Variants in SHISA9 observed in about 807,000 individuals in gnomAD.
SHISA9 encodes the protein protein shisa-9.
A neutral mutation model predicts 38.0 loss-of-function variants in SHISA9; 13 were observed. That is an observed-to-expected ratio of 0.34 (90% CI 0.22 to 0.54). The LOEUF (loss-of-function observed/expected upper bound fraction) is 0.54, where lower values mean the gene tolerates loss of function less well. Among genes scored for constraint, SHISA9 ranks in the 20% least tolerant of loss-of-function variants. The pLI is 0.91. For synonymous variants in SHISA9, 275 were observed against 242.0 expected (o/e 1.14, Z -1.27); for missense variants, 538 against 575.8 (o/e 0.93, Z 0.67).
intron 2 of SHISA9, among the ~76,000 whole-genome samples, chr16:12,955,201 C>G (rs1329745510): frequency 1.3e-5 from 2 of 152,118 alleles, no homozygotes; most frequent in African/African-American, 4.8e-5. Context: ...ATGGGCATGT[C>G]AGGACTGGCT....
At chr16:13,002,022 A>G (rs1200268217) in intron 2 of SHISA9, among the ~76,000 whole-genome samples, 1 of 152,228 alleles carries the variant, frequency 6.6e-6, no homozygotes, top group African/African-American at 2.4e-5. Context: ...ATAAATACCT[A>G]TGCCCAGAAA....
chr16:13,293,829 T>A, the SHISA9 span, among the ~76,000 whole-genome samples: 1 of 152,200 alleles, frequency 6.6e-6, no homozygotes, highest in South Asian at 2.1e-4. Context: ...CTCTAGTGGT[T>A]GTATGTGTGT....
At chr16:13,095,103 C>A (rs2073812436) in intron 2 of SHISA9, among the ~76,000 whole-genome samples, 1 of 152,298 alleles carries the variant, frequency 6.6e-6, no homozygotes, top group East Asian at 1.9e-4. Flanking sequence ...CCAGGGATAA[C>A]TGTGAGAGAG....
the SHISA9 span, among the ~76,000 whole-genome samples, chr16:13,492,342 T>A: frequency 1.3e-5 from 2 of 152,142 alleles, no homozygotes; most frequent in Non-Finnish European, 2.9e-5. Context: ...ACAGGTGAGG[T>A]TAACGGTGTT....
the SHISA9 span, among the ~76,000 whole-genome samples, chr16:13,366,525 T>C: frequency 6.6e-6 from 1 of 152,114 alleles, no homozygotes; most frequent in African/African-American, 2.4e-5. Context: ...TGCCCATACC[T>C]AGACCACACT....
chr16:13,415,704 C>T, the SHISA9 span, among the ~76,000 whole-genome samples: 1 of 151,918 alleles, frequency 6.6e-6, no homozygotes, highest in Non-Finnish European at 1.5e-5. Context: ...ATGGATTATC[C>T]AGAAAGATTT....
the SHISA9 span, among the ~76,000 whole-genome samples, chr16:13,379,599 G>T: frequency 6.6e-6 from 1 of 152,310 alleles, no homozygotes; most frequent in East Asian, 1.9e-4. Context: ...CACAACCGGG[G>T]TAATGTCTTA....
intron 4 of SHISA9, 48 bp from the exon 5 acceptor site, chr16:13,234,981 TC>T (rs1596757320): frequency 6.7e-7 from 1 of 1,491,962 alleles, no homozygotes; most frequent in Non-Finnish European, 9.0e-7. Flanking sequence ...TCTCTCTCTC[TC>T]TCTCTTCTCT....
the SHISA9 span, among the ~76,000 whole-genome samples, chr16:13,333,424 G>C: frequency 0.011 from 1,606 of 152,256 alleles, 18 homozygotes; most frequent in African/African-American, 0.037. Context: ...ATTTGACTGA[G>C]ATGTGTATGG....
the SHISA9 span, among the ~76,000 whole-genome samples, chr16:13,485,244 A>G: frequency 6.7e-6 from 1 of 148,856 alleles, no homozygotes; most frequent in Non-Finnish European, 1.5e-5. Flanking sequence ...CCCTGTGTCC[A>G]TGTGTTCTCA....
chr16:13,337,333 G>A, the SHISA9 span, among the ~76,000 whole-genome samples: 4 of 152,228 alleles, frequency 2.6e-5, no homozygotes, highest in Admixed American at 2.6e-4. Flanking sequence ...GTTTTATAAA[G>A]GGAAACCCCT....
At chr16:13,001,758 C>G (rs1230357087) in intron 2 of SHISA9, among the ~76,000 whole-genome samples, 1 of 152,000 alleles carries the variant, frequency 6.6e-6, no homozygotes, top group Non-Finnish European at 1.5e-5. Context: ...GTATTGAACT[C>G]TAGTTAATGA....
At chr16:12,931,769 G>A (rs2071464380) in intron 2 of SHISA9, among the ~76,000 whole-genome samples, 1 of 152,128 alleles carries the variant, frequency 6.6e-6, no homozygotes, top group Non-Finnish European at 1.5e-5. Context: ...TATTTACCCA[G>A]TCATGGGATT....
chr16:13,509,732 C>G, the SHISA9 span, among the ~76,000 whole-genome samples: 2 of 152,038 alleles, frequency 1.3e-5, no homozygotes, highest in East Asian at 3.8e-4. Flanking sequence ...TATTAATGAC[C>G]CACTGTGTGT....
At chr16:13,442,798 TA>T in the SHISA9 span, among the ~76,000 whole-genome samples, 1,726 of 152,092 alleles carry the variant, frequency 0.011, 33 homozygotes, top group African/African-American at 0.04. Flanking sequence ...AACAAAAAAA[TA>T]AAAATTTAAA....
chr16:13,056,195 C>A (rs2073307297), intron 2 of SHISA9, among the ~76,000 whole-genome samples: 1 of 152,114 alleles, frequency 6.6e-6, no homozygotes, highest in African/African-American at 2.4e-5. Context: ...ACACTTTATC[C>A]CAGGGCAGCA....
the SHISA9 span, among the ~76,000 whole-genome samples, chr16:13,432,086 C>T: frequency 1.3e-5 from 2 of 152,086 alleles, no homozygotes; most frequent in Non-Finnish European, 2.9e-5. Context: ...GCTTAAATAA[C>T]AAAATGAAAA....
chr16:13,304,548 G>C, the SHISA9 span, among the ~76,000 whole-genome samples: 1 of 152,210 alleles, frequency 6.6e-6, no homozygotes, highest in Non-Finnish European at 1.5e-5. Flanking sequence ...GTGAGCCACT[G>C]TGCCTGGCCA....
the SHISA9 span, among the ~76,000 whole-genome samples, chr16:13,485,407 T>C: frequency 1.3e-5 from 2 of 152,212 alleles, no homozygotes; most frequent in African/African-American, 4.8e-5. Flanking sequence ...TTCCACGGTG[T>C]ATATATGCCA....
Sources: gnomAD v4.1 joint callset for allele counts (sites outside exome capture counted in the v4.1 genomes callset) on GRCh38, gnomAD v4.1.1 for gene constraint, MANE v1.5 for transcripts, NCBI Gene and HGNC (gene_info 2026-07-23, HGNC 2026-07-21) for gene names.